Variants in MRAP2 observed in about 807,000 individuals in gnomAD.
The protein encoded by MRAP2 is melanocortin-2 receptor accessory protein 2.
A neutral mutation model predicts 17.4 loss-of-function variants in MRAP2; 20 were observed. The ratio of observed to expected loss-of-function variants is 1.15; its 90% CI spans 0.81 to 1.67. The LOEUF is 1.67. MRAP2 is among the 40% of genes most tolerant of loss of function. The pLI is 0.00. For missense variants in MRAP2, 238 were observed against 240.0 expected (o/e 0.99, Z 0.05); for synonymous variants, 96 against 88.4 (o/e 1.09, Z -0.48).
At chr6:84,114,735 T>C in the MRAP2 span, among the ~76,000 whole-genome samples, 1 of 152,218 alleles carries the variant, frequency 6.6e-6, no homozygotes, top group Non-Finnish European at 1.5e-5. Context: ...TCTTTGATGT[T>C]GGTGACCTTC....
At chr6:84,122,674 C>T in the MRAP2 span, among the ~76,000 whole-genome samples, 2 of 152,202 alleles carry the variant, frequency 1.3e-5, no homozygotes, top group African/African-American at 4.8e-5. Flanking sequence ...GGAAAAAAGA[C>T]GAGAATGTGC....
At position 84,062,927 on chromosome 6, in the gene MRAP2, A is replaced by G; in HGVS notation, c.162A>G (p.Ala54=). The change falls in exon 3 of 4, where the codon GCA becomes GCG. Residue 54 remains alanine, a synonymous_variant. Transcript: ENST00000257776. The stretch of plus-strand genomic sequence containing the variant: ...TGATTGGATTTTGGGTTGGTCTTGC[A>G]GTCTTCGTGATTTTTATGTTTTTTG... ...SIVIGFWVGL[A]VFVIFMFFVL... is the part of the protein sequence containing the mutation. 1 of 1,614,216 alleles carries G rather than the reference A, an allele frequency of 6.2e-7. No homozygotes were observed.
chr6:84,145,330 T>G, the MRAP2 span, among the ~76,000 whole-genome samples: 3 of 152,134 alleles, frequency 2.0e-5, no homozygotes, highest in Non-Finnish European at 4.4e-5. Flanking sequence ...CTGAGAATCC[T>G]TATTAAAAGT....
intron 2 of MRAP2, among the ~76,000 whole-genome samples, chr6:84,060,717 G>A (rs534250882): frequency 1.3e-5 from 2 of 149,784 alleles, no homozygotes; most frequent in Non-Finnish European, 3.0e-5. Flanking sequence ...ACGGAGTCTT[G>A]CTCTGTCACC....
rs2099501384 is a variant in MRAP2 at position 84,089,721 on chromosome 6, C to CA, written c.*241dup. On this transcript the variant is annotated 3_prime_UTR_variant, in exon 4 of 4. Coordinates refer to ENST00000257776, the MANE Select transcript of MRAP2 (RefSeq NM_138409.4). ...AGCTTTGGGAGTATTAAAGTATTTA[C>CA]ACCAAGCTTGTCCAACCCGTGGCAT... The CA allele has an allele frequency of 1.1e-5, 5 of 466,262 alleles. No individual in the cohort carries two copies. The highest frequency in any genetic ancestry group is 1.9e-5 in the Non-Finnish European group (5 of 267,806). 28.9% of individuals were successfully genotyped at this position (466,262 alleles called of 1,614,324 possible).
At chr6:84,064,697 C>T (rs953899564) in intron 3 of MRAP2, among the ~76,000 whole-genome samples, 1 of 152,164 alleles carries the variant, frequency 6.6e-6, no homozygotes, top group Non-Finnish European at 1.5e-5. Flanking sequence ...CCATGTTAGC[C>T]AGGATGGTCT....
At chr6:84,123,107 T>C in the MRAP2 span, among the ~76,000 whole-genome samples, 1 of 152,070 alleles carries the variant, frequency 6.6e-6, no homozygotes, top group Non-Finnish European at 1.5e-5. Flanking sequence ...ATCCCATGCT[T>C]ATGAACTGAA....
the MRAP2 span, among the ~76,000 whole-genome samples, chr6:84,137,025 T>C: frequency 0.05 from 7,648 of 152,254 alleles, 617 homozygotes; most frequent in African/African-American, 0.17. Context: ...GGAGCCACCG[T>C]GCAAGGATTA....
At chr6:84,036,419 G>A (rs1314166801) in intron 1 of MRAP2, among the ~76,000 whole-genome samples, 1 of 152,082 alleles carries the variant, frequency 6.6e-6, no homozygotes, top group African/African-American at 2.4e-5. Context: ...ATGAAGCCAC[G>A]GACCCTTGCG....
chr6:84,128,767 C>T, the MRAP2 span, among the ~76,000 whole-genome samples: 727 of 152,034 alleles, frequency 4.8e-3, 8 homozygotes, highest in African/African-American at 0.016. Context: ...TAGGTATACA[C>T]GTGCCATGAT....
chr6:84,057,993 G>T (rs976637741), intron 2 of MRAP2, among the ~76,000 whole-genome samples: 8 of 152,308 alleles, frequency 5.3e-5, no homozygotes, highest in African/African-American at 1.9e-4. Context: ...AAGGAGGCCA[G>T]CGTGGTACCA....
intron 1 of MRAP2, among the ~76,000 whole-genome samples, chr6:84,039,353 A>G (rs1250633901): frequency 6.6e-6 from 1 of 152,222 alleles, no homozygotes; most frequent in Admixed American, 6.6e-5. Context: ...TTGGAGACCA[A>G]CTTTCAGGCA....
chr6:84,056,188 A>G (rs2099491671), intron 2 of MRAP2, among the ~76,000 whole-genome samples: 1 of 152,220 alleles, frequency 6.6e-6, no homozygotes, highest in Non-Finnish European at 1.5e-5. Flanking sequence ...TGTCAGAGTG[A>G]ATTATCCACA....
At position 84,089,127 on chromosome 6, in the gene MRAP2, C is replaced by A. The variant is rs764918795; in HGVS notation, c.264C>A (p.Asn88Lys). ...CCTCAGAGAAGAGATTCAGAATGAA[C>A]AGCTTTGTGTCAGACTTTGGAAGAC... ...AESSEKRFRMNSFVSDFGRPL... is the reference protein window; with the variant it reads ...AESSEKRFRMKSFVSDFGRPL... The change falls in exon 4 of 4, where the codon AAC (asparagine) becomes AAA (lysine). Residue 88 changes from asparagine (N) to lysine (K), a missense_variant. Asn to Lys is a moderately conservative substitution (Grantham distance 94, BLOSUM62 0). Coordinates refer to ENST00000257776, the MANE Select transcript of MRAP2 (RefSeq NM_138409.4). 1 of 1,613,760 alleles carries A rather than the reference C, an allele frequency of 6.2e-7. No individual in the cohort carries two copies. The highest frequency in any genetic ancestry group is 1.1e-5 in the South Asian group (1 of 91,038).
the MRAP2 span, among the ~76,000 whole-genome samples, chr6:84,140,176 G>T: frequency 1.8e-4 from 28 of 152,298 alleles, no homozygotes; most frequent in Middle Eastern, 0.014. Flanking sequence ...GTGACAAGTG[G>T]TGTTCTCTTT....
chr6:84,034,029 G>A (rs1489407125), intron 1 of MRAP2, 146 bp downstream of exon 1: 5 of 584,658 alleles, frequency 8.6e-6, no homozygotes, highest in Non-Finnish European at 1.1e-5. Flanking sequence ...GGTGGGAGGA[G>A]GAGAATTGGG....
chr6:84,145,733 G>T, the MRAP2 span, among the ~76,000 whole-genome samples: 1 of 152,028 alleles, frequency 6.6e-6, no homozygotes, highest in Non-Finnish European at 1.5e-5. Flanking sequence ...TGAATGACTT[G>T]ATATAAACTG....
At chr6:84,074,991 CAGTA>C (rs937789176) in intron 3 of MRAP2, among the ~76,000 whole-genome samples, 1 of 152,168 alleles carries the variant, frequency 6.6e-6, no homozygotes, top group Non-Finnish European at 1.5e-5. Flanking sequence ...GGCTGTCAGA[CAGTA>C]AGAAGTTAAT....
At chr6:84,066,339 AGT>A (rs766858151) in intron 3 of MRAP2, among the ~76,000 whole-genome samples, 5 of 152,262 alleles carry the variant, frequency 3.3e-5, no homozygotes, top group Non-Finnish European at 5.9e-5. Flanking sequence ...AATATGACAC[AGT>A]ATAAGATATG....
Sources: gnomAD v4.1 joint callset for allele counts (sites outside exome capture counted in the v4.1 genomes callset) on GRCh38, gnomAD v4.1.1 for gene constraint, MANE v1.5 for transcripts, NCBI Gene and HGNC (gene_info 2026-07-23, HGNC 2026-07-21) for gene names.